Variants in PSMD14 observed in about 807,000 individuals in gnomAD.
PSMD14 encodes ubiquitin C-terminal hydrolase PSMD14.
Under a neutral mutation model 41.2 loss-of-function variants are expected in PSMD14, and 7 were observed. The ratio of observed to expected loss-of-function variants is 0.17; its 90% confidence interval spans 0.10 to 0.32. PSMD14 has a LOEUF of 0.32. Ranked by LOEUF, PSMD14 falls within the 10% of genes least tolerant of loss-of-function variation. The pLI is 1.00. For missense variants in PSMD14, 139 were observed against 375.6 expected (o/e 0.37, Z 5.21); for synonymous variants, 114 against 122.3 (o/e 0.93, Z 0.45).
At chr2:161,394,948 T>A in intron 9 of PSMD14, 130 bp from the exon 10 acceptor site, 1 of 794,196 alleles carries the variant, frequency 1.3e-6, no homozygotes, top group East Asian at 2.9e-5. Flanking sequence ...CTAATTGGAG[T>A]TCATTTGAAT....
intron 3 of PSMD14, among the ~76,000 whole-genome samples, chr2:161,327,034 C>T (rs1682709652): frequency 1.3e-5 from 2 of 152,136 alleles, no homozygotes; most frequent in South Asian, 2.1e-4. Context: ...TATTATTAAA[C>T]TTTAAAGGAA....
intron 3 of PSMD14, among the ~76,000 whole-genome samples, chr2:161,325,688 T>C (rs1022727958): frequency 2.0e-4 from 30 of 152,020 alleles, no homozygotes; most frequent in African/African-American, 7.3e-4. Flanking sequence ...TAGGAAAAAA[T>C]AGTTCAAGAA....
intron 3 of PSMD14, among the ~76,000 whole-genome samples, chr2:161,365,021 G>T (rs780027096): frequency 3.3e-5 from 5 of 152,074 alleles, no homozygotes; most frequent in Non-Finnish European, 7.4e-5. Flanking sequence ...AGGAAGAGAC[G>T]CTGGAACCCA....
intron 3 of PSMD14, among the ~76,000 whole-genome samples, chr2:161,358,124 T>C (rs912952795): frequency 6.6e-6 from 1 of 152,092 alleles, no homozygotes; most frequent in Non-Finnish European, 1.5e-5. Context: ...TTGGTTTATA[T>C]CATTATATAA....
At chr2:161,372,323 A>G (rs746663160) in intron 7 of PSMD14, among the ~76,000 whole-genome samples, 5 of 152,116 alleles carry the variant, frequency 3.3e-5, no homozygotes, top group Non-Finnish European at 7.4e-5. Context: ...CTTGTTATCT[A>G]TCAGACCTGG....
At chr2:161,362,154 C>T (rs546344163) in intron 3 of PSMD14, among the ~76,000 whole-genome samples, 12 of 152,244 alleles carry the variant, frequency 7.9e-5, no homozygotes, top group Admixed American at 7.2e-4. Context: ...CAGCCTCAGC[C>T]TTTCGGGTTC....
intron 3 of PSMD14, among the ~76,000 whole-genome samples, chr2:161,363,743 G>A (rs1013761381): frequency 6.6e-6 from 1 of 152,296 alleles, no homozygotes; most frequent in East Asian, 1.9e-4. Context: ...CAGGGCATTC[G>A]ATTGGGATGT....
intron 2 of PSMD14, among the ~76,000 whole-genome samples, chr2:161,317,021 T>G (rs1689155171): frequency 6.6e-6 from 1 of 152,192 alleles, no homozygotes; most frequent in Non-Finnish European, 1.5e-5. Flanking sequence ...TGTTTGTTTT[T>G]TCTGTTGGTT....
At position 161,308,439 on chromosome 2, in the gene PSMD14, G is replaced by C. The variant is rs1689047084; in HGVS notation, c.-303G>C. 6.6e-6 allele frequency: 1 copy of C among 152,284 alleles called. No individual in the cohort carries two copies. The highest frequency in any genetic ancestry group is 2.4e-5 in the African/African-American group (1 of 41,470). 9.4% of individuals were successfully genotyped at this position (152,284 alleles called of 1,614,324 possible). A position where few individuals can be genotyped will look rare whatever the true frequency, so the allele number is the denominator to read the frequency against. On this transcript the variant is annotated 5_prime_UTR_variant, in exon 1 of 12. Coordinates refer to ENST00000409682, the MANE Select transcript of PSMD14 (RefSeq NM_005805.6). Reference sequence around the variant, plus strand: ...AGTGAACCCGGAAGTGCTTCGCGGCGGAGGCCCGGGCAACTCTTTTGAATG... The same window carrying C: ...AGTGAACCCGGAAGTGCTTCGCGGCCGAGGCCCGGGCAACTCTTTTGAATG...
rs909100227 is a variant in PSMD14, at chr2:161,340,968, A to G, written c.48+22095A>G. 6 of 1,612,808 alleles carry G rather than the reference A, an allele frequency of 3.7e-6. No individual in the cohort carries two copies. The African/African-American group carries it at 5.3e-5, about 14-fold the overall frequency. On this transcript the variant is annotated intron_variant, in intron 3 of 11. Coordinates refer to ENST00000409682, the MANE Select transcript of PSMD14 (RefSeq NM_005805.6). Reference sequence around the variant, plus strand: ...CGATGATGGCCCCTTCTCACCATCCAAGTCCTGCTCCTCTTCCTGCCTCGC... The same window carrying G: ...CGATGATGGCCCCTTCTCACCATCCGAGTCCTGCTCCTCTTCCTGCCTCGC...
At chr2:161,343,150 A>T (rs1682991118) in intron 3 of PSMD14, among the ~76,000 whole-genome samples, 1 of 152,210 alleles carries the variant, frequency 6.6e-6, no homozygotes, top group African/African-American at 2.4e-5. Flanking sequence ...TTGTGCAACC[A>T]TCACTGCCAT....
At chr2:161,311,152 T>C (rs1689082616) in intron 1 of PSMD14, among the ~76,000 whole-genome samples, 1 of 151,828 alleles carries the variant, frequency 6.6e-6, no homozygotes, top group Admixed American at 6.6e-5. Context: ...AATACAAAAA[T>C]ACAAAAATTA....
chr2:161,360,963 ATTTT>A (rs1297892336), intron 3 of PSMD14, among the ~76,000 whole-genome samples: 2 of 152,168 alleles, frequency 1.3e-5, no homozygotes, highest in Non-Finnish European at 2.9e-5. Context: ...TGGGAAAACT[ATTTT>A]TTCAGGGTGT....
chr2:161,319,564 T>C (rs1430270608), intron 3 of PSMD14, among the ~76,000 whole-genome samples: 1 of 152,182 alleles, frequency 6.6e-6, no homozygotes, highest in African/African-American at 2.4e-5. Flanking sequence ...GAGTTAATAC[T>C]AATTAACAAA....
At chr2:161,367,323 A>G (rs1340083528) in intron 3 of PSMD14, among the ~76,000 whole-genome samples, 155 bp from the exon 4 acceptor site, 1 of 152,206 alleles carries the variant, frequency 6.6e-6, no homozygotes, top group Non-Finnish European at 1.5e-5. Flanking sequence ...GATATTTGCA[A>G]ATGTGTTTTG....
intron 7 of PSMD14, among the ~76,000 whole-genome samples, chr2:161,374,430 A>G (rs1683478138): frequency 6.6e-6 from 1 of 152,022 alleles, no homozygotes. Context: ...AAATAATGAA[A>G]TACACTATAT....
intron 7 of PSMD14, among the ~76,000 whole-genome samples, chr2:161,380,254 A>G (rs967908232): frequency 6.6e-6 from 1 of 152,008 alleles, no homozygotes; most frequent in Non-Finnish European, 1.5e-5. Context: ...GAGTGCCTCA[A>G]GCATTTAAAC....
chr2:161,401,038 G>A (rs543982786), intron 10 of PSMD14, among the ~76,000 whole-genome samples: 214 of 152,292 alleles, frequency 1.4e-3, no homozygotes, highest in Non-Finnish European at 2.6e-3. Context: ...TGCTTGATAT[G>A]TACTATAGAT....
chr2:161,328,493 G>T (rs1018057550), intron 3 of PSMD14, among the ~76,000 whole-genome samples: 1 of 152,152 alleles, frequency 6.6e-6, no homozygotes, highest in Admixed American at 6.5e-5. Flanking sequence ...TACAGAAGCA[G>T]TATCTAGTAC....
Sources: gnomAD v4.1 joint callset for allele counts (sites outside exome capture counted in the v4.1 genomes callset) on GRCh38, gnomAD v4.1.1 for gene constraint, MANE v1.5 for transcripts, NCBI Gene and HGNC (gene_info 2026-07-23, HGNC 2026-07-21) for gene names.